The following PLCB1 variants were observed in gnomAD, a reference collection of about 807,000 sequenced individuals.
PLCB1 encodes the protein 1-phosphatidylinositol 4,5-bisphosphate phosphodiesterase beta-1.
In PLCB1, 46 loss-of-function variants were observed where a neutral mutation model predicts 161.8. That is an observed-to-expected ratio of 0.28 (90% confidence interval 0.22 to 0.36). The LOEUF (loss-of-function observed/expected upper bound fraction) is 0.36. PLCB1 is among the 10% of genes least tolerant of loss of function. PLCB1 has a pLI of 1.00. For missense variants in PLCB1, 1,016 were observed against 1,472.5 expected, an observed-to-expected ratio of 0.69 and a Z score of 5.07; for synonymous variants, 517 against 503.7, an observed-to-expected ratio of 1.03 and a Z score of -0.35.
intron 1 of PLCB1, among the ~76,000 whole-genome samples, chr20:8,139,750 A>G (rs2051384434): frequency 6.6e-6 from 1 of 152,184 alleles, no homozygotes; most frequent in Non-Finnish European, 1.5e-5. Context: ...GCCAATCATG[A>G]TCCTCCCCAG....
intron 24 of PLCB1, 31 bp downstream of exon 24, chr20:8,757,209 G>A (rs1377522158): frequency 6.3e-7 from 1 of 1,583,322 alleles, no homozygotes; most frequent in African/African-American, 1.4e-5. Context: ...TGGACAACAT[G>A]AGCAAGATCC....
At chr20:8,820,777 A>G (rs1200054765) in intron 31 of PLCB1, among the ~76,000 whole-genome samples, 1 of 152,256 alleles carries the variant, frequency 6.6e-6, no homozygotes, top group Non-Finnish European at 1.5e-5. Context: ...TTCCTACAAA[A>G]GAATATTACA....
At chr20:8,846,058 G>T (rs1231098740) in intron 31 of PLCB1, among the ~76,000 whole-genome samples, 2 of 152,186 alleles carry the variant, frequency 1.3e-5, no homozygotes, top group Admixed American at 1.3e-4. Flanking sequence ...AGAACTACCT[G>T]AGAGTGCGTA....
intron 2 of PLCB1, among the ~76,000 whole-genome samples, chr20:8,335,094 T>C (rs1985523874): frequency 6.6e-6 from 1 of 152,260 alleles, no homozygotes; most frequent in Non-Finnish European, 1.5e-5. Flanking sequence ...GGGGAGTGTT[T>C]GCTTTGCTCC....
rs147342249 is a variant in PLCB1, at chr20:8,770,699, A to G, written c.2931-3840A>G. ...AGCCGGGAGGGGGTTTCCAGGTCAT[A>G]GGTAGATAAGAGACAAATGGTTGCA... On this transcript the variant is annotated intron_variant, in intron 26 of 31. Coordinates refer to ENST00000338037, the MANE Select transcript of PLCB1 (RefSeq NM_015192.4). Among the ~76,000 whole-genome samples, 308 of 152,302 alleles carry G rather than the reference A, an allele frequency of 2.0e-3. 8 individuals carry two copies. The South Asian group carries it at 0.043, about 21-fold the overall frequency.
chr20:8,476,296 TTCAAGTGTGTCAAGTGTG>T (rs144837331), intron 3 of PLCB1, among the ~76,000 whole-genome samples: 4 of 152,166 alleles, frequency 2.6e-5, no homozygotes, highest in Non-Finnish European at 5.9e-5. Flanking sequence ...TTCCTTCTTG[TTCAAGTGTGTCAAGTGTG>T]TCAAGTGTGT....
intron 27 of PLCB1, among the ~76,000 whole-genome samples, chr20:8,776,171 T>C (rs1291783622): frequency 6.6e-6 from 1 of 152,242 alleles, no homozygotes; most frequent in Non-Finnish European, 1.5e-5. Flanking sequence ...GGCTATATTC[T>C]GTGCTGAGTC....
intron 3 of PLCB1, among the ~76,000 whole-genome samples, chr20:8,521,388 T>C (rs1459050134): frequency 3.9e-5 from 6 of 152,000 alleles, no homozygotes; most frequent in Non-Finnish European, 8.8e-5. Flanking sequence ...CCAAGGTACT[T>C]TCACCTACAT....
intron 2 of PLCB1, among the ~76,000 whole-genome samples, chr20:8,242,354 T>G (rs1163716143): frequency 2.6e-5 from 4 of 151,948 alleles, no homozygotes; most frequent in African/African-American, 4.8e-5. Context: ...CTTGTTTACC[T>G]CAGCCTGGGA....
rs202167118 is a variant in PLCB1, at chr20:8,568,118, G to A, written c.247-60176G>A. Among the ~76,000 whole-genome samples, 3 of 152,146 alleles carry A rather than the reference G, an allele frequency of 2.0e-5. No homozygotes were observed. In the East Asian group the frequency reaches 5.8e-4, roughly 29 times the overall value. ...TGGGTCATGTATTCTTGGAAAACAG[G>A]GTATTCATGCAATCTTTAAAACACC... On this transcript the variant is annotated intron_variant, in intron 3 of 31. Transcript: ENST00000338037.
chr20:8,701,889 A>G (rs1396432243), intron 11 of PLCB1, among the ~76,000 whole-genome samples: 1 of 152,214 alleles, frequency 6.6e-6, no homozygotes, highest in Non-Finnish European at 1.5e-5. Flanking sequence ...ACATTCCCCC[A>G]ACATTTGCCA....
At chr20:8,693,785 G>A (rs532379726) in intron 10 of PLCB1, among the ~76,000 whole-genome samples, 1 of 152,256 alleles carries the variant, frequency 6.6e-6, no homozygotes, top group East Asian at 1.9e-4. Flanking sequence ...GATGCCTTGG[G>A]TAATCTGAGA....
chr20:8,685,003 C>G lies in PLCB1; in HGVS notation c.934C>G (p.Leu312Val), dbSNP rs1354841973. 3 of 1,612,476 alleles carry G rather than the reference C, an allele frequency of 1.9e-6. No individual in the cohort carries two copies. The highest frequency in any genetic ancestry group is 2.2e-5 in the East Asian group (1 of 44,852). The change falls in exon 10 of 32, where the codon CTG (leucine) becomes GTG (valine). Residue 312 changes from leucine (L) to valine (V), a missense_variant. Physicochemically the swap from Leu to Val is conservative, Grantham distance 32. Transcript: ENST00000338037. ...EENGVVSPEK[L>V]DLNEDMSQPL... The stretch of plus-strand genomic sequence containing the variant: ...AAACGGAGTCGTTTCACCTGAGAAA[C>G]TGGATTTGAATGAAGACATGTCTCA...
At chr20:8,410,905 G>T (rs1979014580) in intron 3 of PLCB1, among the ~76,000 whole-genome samples, 1 of 152,184 alleles carries the variant, frequency 6.6e-6, no homozygotes, top group Non-Finnish European at 1.5e-5. Context: ...GGAGGCAGAG[G>T]TTAGAGCAAT....
intron 2 of PLCB1, among the ~76,000 whole-genome samples, chr20:8,262,313 A>G (rs562487759): frequency 1.3e-5 from 2 of 151,804 alleles, no homozygotes; most frequent in African/African-American, 4.8e-5. Context: ...CTGGTCTCGA[A>G]CTCCTGACCT....
intron 3 of PLCB1, among the ~76,000 whole-genome samples, chr20:8,499,420 A>G (rs1983311623): frequency 6.6e-6 from 1 of 152,182 alleles, no homozygotes; most frequent in Admixed American, 6.5e-5. Flanking sequence ...AAATCAAATA[A>G]CTATATATTT....
At chr20:8,685,876 G>C (rs1450461019) in intron 10 of PLCB1, among the ~76,000 whole-genome samples, 1 of 152,116 alleles carries the variant, frequency 6.6e-6, no homozygotes, top group Non-Finnish European at 1.5e-5. Context: ...ACATCAATGT[G>C]TTTCTAATCT....
intron 2 of PLCB1, among the ~76,000 whole-genome samples, chr20:8,320,492 C>G (rs186532241): frequency 6.6e-6 from 1 of 152,288 alleles, no homozygotes; most frequent in Non-Finnish European, 1.5e-5. Context: ...AAGATTTGCC[C>G]TCAGGCAGGA....
chr20:8,678,088 G>A (rs773799972), intron 9 of PLCB1, among the ~76,000 whole-genome samples: 9 of 152,114 alleles, frequency 5.9e-5, no homozygotes, highest in Non-Finnish European at 8.8e-5. Flanking sequence ...TTAGCTAACC[G>A]GGGGATACTT....
Sources: allele counts gnomAD v4.1 joint callset (sites outside exome capture counted in the v4.1 genomes callset), GRCh38; gene constraint gnomAD v4.1.1; transcripts MANE v1.5; gene names NCBI Gene and HGNC (gene_info 2026-07-23, HGNC 2026-07-21).